The following PRKG1 variants were observed in gnomAD, a reference collection of about 807,000 sequenced individuals.
PRKG1 encodes protein kinase cGMP-dependent 1, also known as cGMP-dependent protein kinase 1.
Under a neutral mutation model 88.1 loss-of-function variants are expected in PRKG1, and 35 were observed. The observed-to-expected ratio is 0.40, with a 90% CI of 0.30 to 0.53. PRKG1 has a LOEUF of 0.53. Ranked by LOEUF, PRKG1 falls within the 20% of genes least tolerant of loss-of-function variation. The pLI is 0.59. For missense variants in PRKG1, 540 were observed against 839.8 expected (o/e 0.64, Z 4.41); for synonymous variants, 303 against 292.5 (o/e 1.04, Z -0.37).
At chr10:51,309,359 G>A (rs181312835) in intron 2 of PRKG1, among the ~76,000 whole-genome samples, 2 of 152,060 alleles carry the variant, frequency 1.3e-5, no homozygotes, top group African/African-American at 2.4e-5. Context: ...ACTAATATCC[G>A]GAATTTACAA....
At chr10:51,141,172 C>T (rs1257849828) in intron 1 of PRKG1, among the ~76,000 whole-genome samples, 1 of 152,176 alleles carries the variant, frequency 6.6e-6, no homozygotes, top group Non-Finnish European at 1.5e-5. Flanking sequence ...CCACCTTTAA[C>T]TAGCTGGAGG....
At chr10:52,268,230 G>A (rs1182672938) in intron 10 of PRKG1, among the ~76,000 whole-genome samples, 1 of 152,130 alleles carries the variant, frequency 6.6e-6, no homozygotes, top group Admixed American at 6.6e-5. Flanking sequence ...AAAGCAGAAA[G>A]CCTCAGTAGG....
At chr10:51,855,804 GAAACA>G (rs1840666028) in intron 4 of PRKG1, among the ~76,000 whole-genome samples, 1 of 152,088 alleles carries the variant, frequency 6.6e-6, no homozygotes, top group African/African-American at 2.4e-5. Context: ...GCGTTTATTG[GAAACA>G]AAACAAAACA....
At chr10:51,301,313 G>T (rs2132240032) in intron 2 of PRKG1, among the ~76,000 whole-genome samples, 1 of 152,136 alleles carries the variant, frequency 6.6e-6, no homozygotes, top group South Asian at 2.1e-4. Context: ...CCAAGTTTCT[G>T]GCTAGGCTCA....
intron 2 of PRKG1, among the ~76,000 whole-genome samples, chr10:51,309,595 G>A (rs957651502): frequency 2.6e-5 from 4 of 151,992 alleles, no homozygotes; most frequent in Non-Finnish European, 4.4e-5. Flanking sequence ...AAGAAATAAC[G>A]GATGTCGATG....
intron 3 of PRKG1, among the ~76,000 whole-genome samples, chr10:51,665,130 C>A (rs1220088018): frequency 1.3e-5 from 2 of 152,106 alleles, no homozygotes; most frequent in African/African-American, 4.8e-5. Flanking sequence ...CACATTGTAA[C>A]AACTTGAATC....
At chr10:51,220,397 G>A (rs1589254968) in intron 2 of PRKG1, among the ~76,000 whole-genome samples, 1 of 152,174 alleles carries the variant, frequency 6.6e-6, no homozygotes, top group East Asian at 1.9e-4. Flanking sequence ...TGTTACAAAG[G>A]AATAAAAAGA....
At chr10:51,645,388 T>TA (rs1341548538) in intron 3 of PRKG1, among the ~76,000 whole-genome samples, 1 of 152,208 alleles carries the variant, frequency 6.6e-6, no homozygotes, top group Non-Finnish European at 1.5e-5. Flanking sequence ...ATTCTATGTC[T>TA]CATATTTGAA....
intron 9 of PRKG1, among the ~76,000 whole-genome samples, chr10:52,197,729 A>G (rs1376531892): frequency 6.6e-6 from 1 of 152,230 alleles, no homozygotes; most frequent in Non-Finnish European, 1.5e-5. Flanking sequence ...TCTGTAGAAG[A>G]GGAAACTCTT....
intron 5 of PRKG1, among the ~76,000 whole-genome samples, chr10:52,018,893 G>T (rs1453131149): frequency 6.6e-6 from 1 of 152,122 alleles, no homozygotes. Flanking sequence ...TTTGCTAATT[G>T]GTGCTTATGA....
intron 3 of PRKG1, among the ~76,000 whole-genome samples, chr10:51,664,050 G>T (rs11818185): frequency 3.1e-4 from 47 of 152,032 alleles, no homozygotes; most frequent in Non-Finnish European, 6.5e-4. Flanking sequence ...AATTGAAATA[G>T]AGATAAGTGT....
rs191392760 is a variant in PRKG1 at position 51,394,174 on chromosome 10, G to T, written c.479-73549G>T. On this transcript the variant is annotated intron_variant, in intron 2 of 17. Coordinates refer to ENST00000373980, the MANE Select transcript of PRKG1 (RefSeq NM_006258.4). The stretch of plus-strand genomic sequence containing the variant: ...ATCACTTTATTATCTTTCACAGTCT[G>T]TGGGCTGGTTAGACCTAGCTAGGGT... Among the ~76,000 whole-genome samples, 3 of 152,322 alleles carry T rather than the reference G, an allele frequency of 2.0e-5. No homozygotes were observed. The East Asian group carries it at 5.8e-4, about 29-fold the overall frequency.
chr10:51,765,815 A>ATTTTTTT (rs398046339), intron 3 of PRKG1, among the ~76,000 whole-genome samples: 22 of 134,594 alleles, frequency 1.6e-4, no homozygotes, highest in East Asian at 7.6e-4. Flanking sequence ...GCCTTACATG[A>ATTTTTTT]TTTTTTTTTT....
chr10:51,709,922 GGGTTTGACAATGCTTTAGGA>G (rs370144513), intron 3 of PRKG1, among the ~76,000 whole-genome samples: 12,366 of 152,210 alleles, frequency 0.081, 643 homozygotes, highest in Admixed American at 0.17. Flanking sequence ...GTAGCAGCAA[GGGTTTGACAATGCTTTAGGA>G]TACTAAAGCT....
chr10:52,061,523 C>T (rs1479840590), intron 6 of PRKG1, among the ~76,000 whole-genome samples: 1 of 152,064 alleles, frequency 6.6e-6, no homozygotes, highest in Non-Finnish European at 1.5e-5. Flanking sequence ...ACAAGTTACT[C>T]TATTTTTGTT....
chr10:51,579,727 A>C lies in PRKG1; in HGVS notation c.592+111891A>C, dbSNP rs570546600. On this transcript the variant is annotated intron_variant, in intron 3 of 17. Coordinates refer to ENST00000373980, the MANE Select transcript of PRKG1 (RefSeq NM_006258.4). ...CTAGGGTAATAATTTCATTTTCACT[A>C]TATTTCCATTTAATTTATAAATGTT... is the stretch of plus-strand genomic sequence containing the variant. Among the ~76,000 whole-genome samples, 2 of 152,266 alleles carry C rather than the reference A, an allele frequency of 1.3e-5. 1 individual carries two copies. The highest frequency in any genetic ancestry group is 4.1e-4 in the South Asian group (2 of 4,826).
At chr10:51,456,197 G>C (rs1839579645) in intron 2 of PRKG1, among the ~76,000 whole-genome samples, 1 of 152,146 alleles carries the variant, frequency 6.6e-6, no homozygotes, top group Non-Finnish European at 1.5e-5. Context: ...GATCTCATAA[G>C]ACTTATTCAC....
chr10:51,227,038 T>A (rs1838711699), intron 2 of PRKG1, among the ~76,000 whole-genome samples: 2 of 151,984 alleles, frequency 1.3e-5, no homozygotes. Context: ...GTAGATAATA[T>A]GTCTCCATTA....
intron 5 of PRKG1, among the ~76,000 whole-genome samples, chr10:52,040,832 C>CTT (rs11312625): frequency 0.3 from 25,399 of 85,424 alleles, 4,183 homozygotes; most frequent in Non-Finnish European, 0.37. Flanking sequence ...AATGGCTTTT[C>CTT]TTTTTTTTTT....
Sources: gnomAD v4.1 joint callset for allele counts (sites outside exome capture counted in the v4.1 genomes callset) on GRCh38, gnomAD v4.1.1 for gene constraint, MANE v1.5 for transcripts, NCBI Gene and HGNC (gene_info 2026-07-23, HGNC 2026-07-21) for gene names.